The following RPA3 variants were observed in gnomAD, a reference collection of about 807,000 sequenced individuals.
RPA3 encodes replication protein A 14 kDa subunit.
In RPA3, 24 loss-of-function variants were observed where a neutral mutation model predicts 13.7. The observed-to-expected ratio is 1.75, with a 90% CI of 1.27 to 2.46. The LOEUF (loss-of-function observed/expected upper bound fraction) is 2.46. RPA3 is among the 30% of genes most tolerant of loss of function. The pLI, the probability that RPA3 is intolerant of heterozygous loss-of-function variation, is 0.00. For missense variants in RPA3, 183 were observed against 151.0 expected (o/e 1.21, Z -1.11); for synonymous variants, 59 against 51.2 (o/e 1.15, Z -0.65).
At chr7:7,717,282 C>A (rs1780940212) in intron 1 of RPA3, among the ~76,000 whole-genome samples, 1 of 152,078 alleles carries the variant, frequency 6.6e-6, no homozygotes, top group South Asian at 2.1e-4. Flanking sequence ...GTCTCGAACT[C>A]CTGACCCCAA....
At chr7:7,667,401 C>T (rs1328827949) in intron 4 of RPA3, among the ~76,000 whole-genome samples, 2 of 152,172 alleles carry the variant, frequency 1.3e-5, no homozygotes, top group Non-Finnish European at 2.9e-5. Context: ...AGCAAGAGTG[C>T]TTAGAGCTTA....
chr7:7,674,474 C>A (rs1407682649), intron 4 of RPA3, among the ~76,000 whole-genome samples: 2 of 152,106 alleles, frequency 1.3e-5, no homozygotes, highest in African/African-American at 4.8e-5. Context: ...TTCTGGCAGG[C>A]CTGTTGTTTT....
chr7:7,651,032 CA>C (rs1363947359), intron 4 of RPA3, among the ~76,000 whole-genome samples: 1 of 152,196 alleles, frequency 6.6e-6, no homozygotes, highest in African/African-American at 2.4e-5. Flanking sequence ...GACCTTTGAG[CA>C]ACCCCTCTGT....
chr7:7,711,358 C>T (rs1388653469), intron 2 of RPA3, among the ~76,000 whole-genome samples: 3 of 152,092 alleles, frequency 2.0e-5, no homozygotes, highest in Non-Finnish European at 4.4e-5. Context: ...ATTTTATTTC[C>T]GGGAGGAATT....
At chr7:7,716,378 G>A (rs987799735) in intron 1 of RPA3, among the ~76,000 whole-genome samples, 1 of 152,174 alleles carries the variant, frequency 6.6e-6, no homozygotes, top group Non-Finnish European at 1.5e-5. Context: ...CCTTGGCAAG[G>A]TTTCCTTTTA....
intron 2 of RPA3, among the ~76,000 whole-genome samples, chr7:7,699,081 T>TG (rs1194239073): frequency 6.6e-6 from 1 of 151,768 alleles, no homozygotes; most frequent in Non-Finnish European, 1.5e-5. Context: ...TTTGCTATGT[T>TG]GCCCAGGCTG....
chr7:7,708,609 GGACA>G (rs2115166070), intron 2 of RPA3, among the ~76,000 whole-genome samples: 1 of 152,118 alleles, frequency 6.6e-6, no homozygotes, highest in Admixed American at 6.5e-5. Context: ...TGTCCTTTTG[GGACA>G]GACCTCAAAA....
intron 4 of RPA3, among the ~76,000 whole-genome samples, chr7:7,645,285 G>C (rs1463683233): frequency 6.6e-6 from 1 of 152,020 alleles, no homozygotes; most frequent in Non-Finnish European, 1.5e-5. Context: ...GTCAAGATGG[G>C]GTTTAGCTGC....
intron 4 of RPA3, among the ~76,000 whole-genome samples, chr7:7,675,157 G>A (rs1161762857): frequency 3.3e-5 from 5 of 152,124 alleles, no homozygotes; most frequent in African/African-American, 4.8e-5. Context: ...GAGCCACCAC[G>A]TCCAGCCTCT....
chr7:7,696,360 A>G (rs1164761371), intron 2 of RPA3, among the ~76,000 whole-genome samples: 3 of 151,968 alleles, frequency 2.0e-5, no homozygotes, highest in Non-Finnish European at 4.4e-5. Flanking sequence ...CGATAAAGAC[A>G]ATTTGTAAAA....
intron 7 of RPA3, among the ~76,000 whole-genome samples, 162 bp from the exon 8 acceptor site, chr7:7,637,244 C>T (rs1272354414): frequency 6.6e-6 from 1 of 151,176 alleles, no homozygotes; most frequent in African/African-American, 2.4e-5. Flanking sequence ...ACTGTGGCAC[C>T]AAAAAAAAGA....
intron 2 of RPA3, among the ~76,000 whole-genome samples, chr7:7,697,992 CCCCACTACTCATTTG>C: frequency 6.6e-6 from 1 of 152,136 alleles, no homozygotes; most frequent in African/African-American, 2.4e-5. Context: ...AGCAAGCTGA[CCCCACTACTCATTTG>C]ATTGTTAGAA....
intron 4 of RPA3, among the ~76,000 whole-genome samples, chr7:7,649,032 C>T (rs1472420320): frequency 6.6e-6 from 1 of 151,744 alleles, no homozygotes; most frequent in African/African-American, 2.4e-5. Context: ...GTGGCGGATG[C>T]CTGTAATCCC....
chr7:7,673,573 T>C (rs1019961535), intron 4 of RPA3: 1 of 621,576 alleles, frequency 1.6e-6, no homozygotes, highest in Non-Finnish European at 2.8e-6. Flanking sequence ...TTTATGTGTT[T>C]AATTTTTAAA....
chr7:7,716,318 T>A (rs1780902081), intron 1 of RPA3, among the ~76,000 whole-genome samples: 1 of 152,204 alleles, frequency 6.6e-6, no homozygotes, highest in South Asian at 2.1e-4. Flanking sequence ...AACTTCAAAG[T>A]GATACAGGAG....
At chr7:7,649,170 A>G (rs1415811558) in intron 4 of RPA3, among the ~76,000 whole-genome samples, 26 of 141,638 alleles carry the variant, frequency 1.8e-4, no homozygotes, top group Admixed American at 9.4e-4. Flanking sequence ...AAAAAAAAAA[A>G]AAAAAAAAAG....
intron 2 of RPA3, among the ~76,000 whole-genome samples, chr7:7,691,921 A>G (rs1780181564): frequency 6.6e-6 from 1 of 152,204 alleles, no homozygotes; most frequent in African/African-American, 2.4e-5. Context: ...TTGTATTAAA[A>G]TACTCATGCA....
intron 4 of RPA3, among the ~76,000 whole-genome samples, chr7:7,668,434 C>T (rs1020652051): frequency 2.6e-5 from 4 of 152,080 alleles, no homozygotes; most frequent in African/African-American, 9.7e-5. Context: ...ATTCACATAA[C>T]TTTTATTACT....
intron 4 of RPA3, among the ~76,000 whole-genome samples, chr7:7,678,349 G>T (rs1290665875): frequency 1.4e-5 from 2 of 148,012 alleles, no homozygotes; most frequent in African/African-American, 5.0e-5. Flanking sequence ...AATATTGAAC[G>T]TTTTTTTAAT....
Sources: allele counts gnomAD v4.1 joint callset (sites outside exome capture counted in the v4.1 genomes callset), GRCh38; gene constraint gnomAD v4.1.1; transcripts MANE v1.5; gene names NCBI Gene and HGNC (gene_info 2026-07-23, HGNC 2026-07-21).